The following ROR1 variants were observed in gnomAD, a reference collection of about 807,000 sequenced individuals.
ROR1 encodes inactive tyrosine-protein kinase transmembrane receptor ROR1.
A neutral mutation model predicts 78.8 loss-of-function variants in ROR1; 19 were observed. The observed-to-expected ratio is 0.24, with a 90% CI of 0.17 to 0.35. The LOEUF is 0.35. ROR1 is among the 10% of genes least tolerant of loss of function. ROR1 has a pLI of 1.00. For missense variants in ROR1, 917 were observed against 1,177.8 expected (o/e 0.78, Z 3.24); for synonymous variants, 386 against 433.6 (o/e 0.89, Z 1.36).
At chr1:63,827,648 A>G (rs998866787) in intron 1 of ROR1, among the ~76,000 whole-genome samples, 1 of 152,204 alleles carries the variant, frequency 6.6e-6, no homozygotes, top group Non-Finnish European at 1.5e-5. Context: ...CTTGTTCTGA[A>G]GTATGAGAGG....
At chr1:64,020,407 G>A (rs1002004489) in intron 2 of ROR1, among the ~76,000 whole-genome samples, 1 of 152,144 alleles carries the variant, frequency 6.6e-6, no homozygotes, top group Non-Finnish European at 1.5e-5. Flanking sequence ...TGTACTGGCT[G>A]AAGATACAAA....
At chr1:64,148,951 T>C (rs1649548091) in intron 7 of ROR1, among the ~76,000 whole-genome samples, 1 of 152,194 alleles carries the variant, frequency 6.6e-6, no homozygotes, top group African/African-American at 2.4e-5. Context: ...TCTCAGACCC[T>C]GTGAACAAGC....
chr1:63,970,816 G>C (rs1407317180), intron 1 of ROR1, among the ~76,000 whole-genome samples: 1 of 152,220 alleles, frequency 6.6e-6, no homozygotes, highest in Non-Finnish European at 1.5e-5. Flanking sequence ...CTGAGATCCA[G>C]AGAAGTTAAG....
At chr1:63,886,094 C>T (rs925904848) in intron 1 of ROR1, among the ~76,000 whole-genome samples, 10 of 152,166 alleles carry the variant, frequency 6.6e-5, no homozygotes, top group African/African-American at 2.4e-4. Flanking sequence ...CTAGATCCCT[C>T]GCATGCGCAG....
At chr1:64,097,526 T>C (rs1168872403) in intron 4 of ROR1, among the ~76,000 whole-genome samples, 1 of 151,616 alleles carries the variant, frequency 6.6e-6, no homozygotes, top group Non-Finnish European at 1.5e-5. Context: ...ACAGACAAGA[T>C]TGTATTTATG....
intron 1 of ROR1, among the ~76,000 whole-genome samples, chr1:63,902,061 A>G (rs1360260941): frequency 6.6e-6 from 1 of 152,164 alleles, no homozygotes; most frequent in Non-Finnish European, 1.5e-5. Flanking sequence ...AAACCATGAT[A>G]TATTTAAGTT....
intron 1 of ROR1, among the ~76,000 whole-genome samples, chr1:63,947,538 T>G (rs558480315): frequency 6.0e-4 from 92 of 152,194 alleles, no homozygotes; most frequent in Non-Finnish European, 1.1e-3. Context: ...TCCATGCCCT[T>G]TAATAACCTG....
At chr1:63,921,825 T>C (rs1377194486) in intron 1 of ROR1, among the ~76,000 whole-genome samples, 1 of 152,172 alleles carries the variant, frequency 6.6e-6, no homozygotes, top group Non-Finnish European at 1.5e-5. Context: ...AAACATCTGC[T>C]CTGCCCACCC....
intron 2 of ROR1, among the ~76,000 whole-genome samples, chr1:64,029,775 T>A (rs1251377919): frequency 6.6e-6 from 1 of 152,184 alleles, no homozygotes; most frequent in Admixed American, 6.5e-5. Context: ...TACAGTCACA[T>A]CGGGGTTAGG....
intron 1 of ROR1, among the ~76,000 whole-genome samples, chr1:63,985,045 T>TC: frequency 6.6e-6 from 1 of 152,272 alleles, no homozygotes; most frequent in East Asian, 1.9e-4. Context: ...TCATATATAT[T>TC]ACTACATACC....
chr1:63,940,823 CCAGATGAT>C (rs1645832710), intron 1 of ROR1, among the ~76,000 whole-genome samples: 1 of 152,126 alleles, frequency 6.6e-6, no homozygotes, highest in African/African-American at 2.4e-5. Flanking sequence ...AACATCTCAG[CCAGATGAT>C]CAGGTTAATA....
chr1:63,991,100 T>TG (rs369847120), intron 1 of ROR1, among the ~76,000 whole-genome samples: 3,376 of 29,650 alleles, frequency 0.11, 59 homozygotes, highest in Middle Eastern at 0.25. Context: ...TTTGTTTGTT[T>TG]TTTGTTTTGT....
At chr1:63,991,946 A>G (rs937055681) in intron 1 of ROR1, among the ~76,000 whole-genome samples, 9 of 152,182 alleles carry the variant, frequency 5.9e-5, no homozygotes, top group Non-Finnish European at 1.0e-4. Flanking sequence ...GGAGAACATA[A>G]TGTGACGAAT....
chr1:63,996,340 T>A (rs1451544225), intron 1 of ROR1, among the ~76,000 whole-genome samples: 3 of 152,194 alleles, frequency 2.0e-5, no homozygotes, highest in Non-Finnish European at 2.9e-5. Context: ...GCTCTGCTAA[T>A]GTTTTCCTCG....
At chr1:63,877,974 T>G (rs1645298611) in intron 1 of ROR1, among the ~76,000 whole-genome samples, 1 of 152,334 alleles carries the variant, frequency 6.6e-6, no homozygotes, top group Non-Finnish European at 1.5e-5. Flanking sequence ...ACCTCAAGCC[T>G]GGATTCTGAC....
chr1:63,879,838 A>G (rs1192554402), intron 1 of ROR1, among the ~76,000 whole-genome samples: 1 of 152,192 alleles, frequency 6.6e-6, no homozygotes, highest in East Asian at 1.9e-4. Flanking sequence ...CTTTGTAGAA[A>G]CATTTCTACT....
At chr1:63,796,212 T>C in intron 1 of ROR1, among the ~76,000 whole-genome samples, 1 of 152,168 alleles carries the variant, frequency 6.6e-6, no homozygotes, top group East Asian at 1.9e-4. Context: ...AGCTCTGGAC[T>C]GAAAGTCAAT....
rs1398686873 is a variant in ROR1 at position 63,774,496 on chromosome 1, G to A, written c.79G>A (p.Ala27Thr). 19 of 1,143,320 alleles carry A rather than the reference G, an allele frequency of 1.7e-5. No individual in the cohort carries two copies. The highest frequency in any genetic ancestry group is 1.9e-5 in the Non-Finnish European group (18 of 935,630). The allele number at this position is 1,143,320 out of a possible 1,614,324, so 70.8% of individuals were successfully genotyped here. A position where few individuals can be genotyped will look rare whatever the true frequency, so the allele number is the denominator to read the frequency against. Residue 27 changes from alanine to threonine, a missense_variant, in exon 1 of 9, where the codon GCT becomes ACT. By Grantham distance (58) the Ala-to-Thr change is moderately conservative. Around this residue, in one of 3 missense-constraint regions of ROR1, gnomAD observed 63 missense variants for 57.0 expected, o/e 1.10. Coordinates refer to ENST00000371079, the MANE Select transcript of ROR1 (RefSeq NM_005012.4). This position sits in a 1 kb window ranked among gnomAD's most constrained non-coding sequence, Gnocchi z 5.7. ...CGCGCTGCTGCTGGCCGCACGCGGG[G>A]CTGCTGCCCAAGGTAAGAGGCGCCC... ...LAALLLAARG[A>T]AAQETELSVS... is the part of the protein sequence containing the mutation.
chr1:64,076,984 G>T (rs1476300184), intron 4 of ROR1, among the ~76,000 whole-genome samples: 1 of 152,066 alleles, frequency 6.6e-6, no homozygotes, highest in Non-Finnish European at 1.5e-5. Context: ...AAGATGTTTG[G>T]TCTAAAATAA....
Sources: allele counts gnomAD v4.1 joint callset (sites outside exome capture counted in the v4.1 genomes callset), GRCh38; gene constraint gnomAD v4.1.1; regional missense constraint gnomAD v4.1.1; non-coding constraint Gnocchi (gnomAD v3.1); transcripts MANE v1.5; gene names NCBI Gene and HGNC (gene_info 2026-07-23, HGNC 2026-07-21).